Variants in VIPR1 observed in about 807,000 individuals in gnomAD.
VIPR1 encodes vasoactive intestinal polypeptide receptor 1.
VIPR1 carries 59 observed loss-of-function variants against 58.8 expected under a neutral mutation model. The ratio of observed to expected loss-of-function variants is 1.00; its 90% CI spans 0.81 to 1.25. The LOEUF is 1.25. VIPR1 is among the 50% of genes most tolerant of loss of function. The pLI, the probability that VIPR1 is intolerant of heterozygous loss-of-function variation, is 0.00. For missense variants in VIPR1, 626 were observed against 602.7 expected (o/e 1.04, Z -0.40); for synonymous variants, 251 against 242.1 (o/e 1.04, Z -0.34).
At chr3:42,504,711 C>G (rs1028737509) in intron 1 of VIPR1, among the ~76,000 whole-genome samples, 3 of 145,902 alleles carry the variant, frequency 2.1e-5, no homozygotes, top group African/African-American at 7.5e-5. Flanking sequence ...CCAATCGCTC[C>G]CTCATGGAAT....
At chr3:42,527,611 G>C in intron 5 of VIPR1, 115 bp downstream of exon 5, 1 of 975,724 alleles carries the variant, frequency 1.0e-6, no homozygotes, top group Non-Finnish European at 1.6e-6. Context: ...CCCCCCAGCA[G>C]CACATACTCC....
At chr3:42,518,976 C>A (rs888804443) in intron 2 of VIPR1, among the ~76,000 whole-genome samples, 2 of 152,174 alleles carry the variant, frequency 1.3e-5, no homozygotes, top group Non-Finnish European at 2.9e-5. Flanking sequence ...GCATTGGAAA[C>A]ATCCCCAGGG....
At chr3:42,519,816 C>T (rs1333459798) in intron 3 of VIPR1, among the ~76,000 whole-genome samples, 1 of 152,170 alleles carries the variant, frequency 6.6e-6, no homozygotes, top group Non-Finnish European at 1.5e-5. Flanking sequence ...TAAAGAGATT[C>T]ACAATATAGA....
At chr3:42,525,150 C>G (rs1414309755) in intron 3 of VIPR1, among the ~76,000 whole-genome samples, 2 of 151,980 alleles carry the variant, frequency 1.3e-5, no homozygotes, top group Non-Finnish European at 2.9e-5. Flanking sequence ...GGAGAGGACA[C>G]CTCCCCAGTG....
chr3:42,507,282 G>T (rs983849313), intron 1 of VIPR1: 1 of 152,240 alleles, frequency 6.6e-6, no homozygotes, highest in Non-Finnish European at 1.5e-5. Flanking sequence ...TGTCTGACGG[G>T]ACTGTCCAGC....
At chr3:42,492,059 G>T (rs1353801420) in intron 1 of VIPR1, among the ~76,000 whole-genome samples, 2 of 152,112 alleles carry the variant, frequency 1.3e-5, no homozygotes, top group African/African-American at 4.8e-5. Flanking sequence ...GGATGCGCTT[G>T]CAAGAAAAGA....
chr3:42,535,383 A>T lies in VIPR1; in HGVS notation c.1181A>T (p.Glu394Val). ...VAILYCFLNG[E>V]VQAELRRKWR... is the part of the protein sequence containing the mutation. ...ATCCTCTACTGCTTCCTCAATGGTG[A>T]GGTAAGCCCCTCCCAGTCCTTGGGG... The change falls in exon 12 of 13, where the codon GAG (glutamate) becomes GTG (valine). Residue 394 changes from glutamate (E) to valine (V), a missense_variant and splice_region_variant. Glu to Val is a moderately radical substitution (Grantham distance 121). Transcript: ENST00000325123. The T allele has an allele frequency of 6.2e-7, 1 of 1,614,042 alleles. No homozygotes were observed. Among genetic ancestry groups the T allele is most frequent in the Non-Finnish European group, 8.5e-7 (1 of 1,179,978 alleles).
At chr3:42,531,892 A>G (rs767425583) in intron 9 of VIPR1, 23 bp downstream of exon 9, 32 of 1,613,730 alleles carry the variant, frequency 2.0e-5, no homozygotes, top group Non-Finnish European at 2.5e-5. Flanking sequence ...CCCACCACCT[A>G]GAGATGGGGA....
rs1351127525 is a variant in VIPR1, at chr3:42,531,651, G to T, written c.851+120G>T. On this transcript the variant is annotated intron_variant, in intron 8 of 12. Transcript: ENST00000325123. Reference sequence around the variant, plus strand: ...AAAACCACAGCTCTCGGGCCAGAGGGGAGGCTGGAGGAGGACCTGGGGAGC... The same window carrying T: ...AAAACCACAGCTCTCGGGCCAGAGGTGAGGCTGGAGGAGGACCTGGGGAGC... The T allele has an allele frequency of 5.8e-6, 9 of 1,544,450 alleles. No homozygotes were observed. The African/African-American group carries it at 9.5e-5, about 16-fold the overall frequency.
intron 4 of VIPR1, among the ~76,000 whole-genome samples, chr3:42,526,246 T>C (rs1701227738): frequency 1.3e-5 from 2 of 152,212 alleles, no homozygotes; most frequent in African/African-American, 4.8e-5. Context: ...TCCCCCAGGC[T>C]GGGCCACCCT....
In VIPR1 at chr3:42,526,286, G is replaced by A. The variant is rs542557691; in HGVS notation, c.399+293G>A. ...CCTCATGGGAACCTCACTTCAGCCCGGGAGTTGGCAGGGCAGGCAGACACC... is the reference window on the plus strand; with the variant it reads ...CCTCATGGGAACCTCACTTCAGCCCAGGAGTTGGCAGGGCAGGCAGACACC... On this transcript the variant is annotated intron_variant, in intron 4 of 12. Coordinates refer to ENST00000325123, the MANE Select transcript of VIPR1 (RefSeq NM_004624.4). Among the ~76,000 whole-genome samples, 9 of 152,336 alleles carry A rather than the reference G, an allele frequency of 5.9e-5. No homozygotes were observed. The South Asian group carries it at 6.2e-4, about 11-fold the overall frequency.
At chr3:42,529,466 A>AAC (rs1701410046) in intron 6 of VIPR1, 1 of 147,696 alleles carries the variant, frequency 6.8e-6, no homozygotes, top group South Asian at 2.1e-4. Flanking sequence ...CTCCATCTCA[A>AAC]AAAAAAAAAA....
chr3:42,527,687 C>G (rs1298086930), intron 5 of VIPR1, 191 bp downstream of exon 5: 4 of 647,408 alleles, frequency 6.2e-6, no homozygotes, highest in Non-Finnish European at 1.1e-5. Flanking sequence ...TGTGTTGCAG[C>G]CTAGTCTCCC....
At chr3:42,498,466 A>T (rs1424454243), upstream of VIPR1, among the ~76,000 whole-genome samples, 1 of 152,092 alleles carries the variant, frequency 6.6e-6, no homozygotes, top group African/African-American at 2.4e-5. Context: ...TCCAATAAAC[A>T]TTCACACTCC....
rs1699926817 is a variant in VIPR1 at position 42,502,783 on chromosome 3, A to T, written c.48A>T (p.Ala16=). ...CCGCCCGCTGGCTATGCGTGCTGGCAGGCGCCCTCGCCTGGGCCCTTGGGC... is the reference window on the plus strand; with the variant it reads ...CCGCCCGCTGGCTATGCGTGCTGGCTGGCGCCCTCGCCTGGGCCCTTGGGC... ...PLPARWLCVL[A]GALAWALGPA... is the part of the protein sequence containing the mutation. Residue 16 remains alanine (A), a synonymous_variant, in exon 1 of 13, where the codon GCA becomes GCT. Coordinates refer to ENST00000325123, the MANE Select transcript of VIPR1 (RefSeq NM_004624.4). 4 of 1,287,796 alleles carry T rather than the reference A, an allele frequency of 3.1e-6. No individual in the cohort carries two copies. Among genetic ancestry groups the T allele is most frequent in the African/African-American group, 1.5e-5 (1 of 64,812 alleles). The allele number at this position is 1,287,796 out of a possible 1,614,324, so 79.8% of individuals were successfully genotyped here.
chr3:42,494,648 T>C (rs1699726090), intron 1 of VIPR1, among the ~76,000 whole-genome samples: 1 of 152,244 alleles, frequency 6.6e-6, no homozygotes, highest in Admixed American at 6.5e-5. Flanking sequence ...TAAACCTTTG[T>C]CTATTTACTG....
chr3:42,496,387 G>A (rs1194446579), intron 1 of VIPR1, among the ~76,000 whole-genome samples: 1 of 152,184 alleles, frequency 6.6e-6, no homozygotes, highest in African/African-American at 2.4e-5. Context: ...TTTGCAGATA[G>A]TATTGTTAAC....
At chr3:42,496,415 G>A (rs1386302266) in intron 1 of VIPR1, among the ~76,000 whole-genome samples, 2 of 152,180 alleles carry the variant, frequency 1.3e-5, no homozygotes, top group Non-Finnish European at 2.9e-5. Flanking sequence ...AAGTAACATT[G>A]TATCATACAT....
At chr3:42,523,175 G>A (rs1240876860) in intron 3 of VIPR1, among the ~76,000 whole-genome samples, 1 of 151,250 alleles carries the variant, frequency 6.6e-6, no homozygotes, top group East Asian at 2.0e-4. Context: ...TACAGATATT[G>A]GGCCTGCCGG....
Sources: gnomAD v4.1 joint callset for allele counts (sites outside exome capture counted in the v4.1 genomes callset) on GRCh38, gnomAD v4.1.1 for gene constraint, MANE v1.5 for transcripts, NCBI Gene and HGNC (gene_info 2026-07-23, HGNC 2026-07-21) for gene names.